The following ITPR1 variants were observed in gnomAD, a reference collection of about 807,000 sequenced individuals.
The protein encoded by ITPR1 is inositol 1,4,5-trisphosphate-gated calcium channel ITPR1.
In ITPR1, 96 loss-of-function variants were observed where a neutral mutation model predicts 318.4. The observed-to-expected ratio is 0.30, with a 90% confidence interval of 0.26 to 0.36. The LOEUF (loss-of-function observed/expected upper bound fraction) is 0.36. Among genes scored for constraint, ITPR1 ranks in the 10% least tolerant of loss-of-function variants. ITPR1 has a pLI of 1.00. For synonymous variants in ITPR1, 1,312 were observed against 1,289.9 expected (o/e 1.02, Z -0.37); for missense variants, 2,440 against 3,460.2 (o/e 0.71, Z 7.40).
chr3:4,669,736 C>T lies in ITPR1; in HGVS notation c.1969C>T (p.Leu657=), dbSNP rs2094031441. The T allele has an allele frequency of 6.2e-7, 1 of 1,613,012 alleles. No homozygotes were observed. The highest frequency in any genetic ancestry group is 1.1e-5 in the South Asian group (1 of 91,006). ...CCAGGAACTGATATGTAAAGCTGTGCTGAACCCCACCAACGCTGACATCCT... is the reference window on the plus strand; with the variant it reads ...CCAGGAACTGATATGTAAAGCTGTGTTGAACCCCACCAACGCTGACATCCT... ...VTQELICKAV[L]NPTNADILIE... The change falls in exon 19 of 62, where the codon CTG becomes TTG. Residue 657 remains leucine, a synonymous_variant. Coordinates refer to ENST00000649015, the MANE Select transcript of ITPR1 (RefSeq NM_001378452.1).
intron 32 of ITPR1, 105 bp downstream of exon 32, chr3:4,691,449 A>G: frequency 2.8e-6 from 2 of 722,868 alleles, no homozygotes; most frequent in Non-Finnish European, 4.7e-6. Context: ...GGAGCCATAC[A>G]GAAGGACAGA....
chr3:4,496,107 A>G (rs902370446), intron 2 of ITPR1, among the ~76,000 whole-genome samples: 1 of 152,188 alleles, frequency 6.6e-6, no homozygotes, highest in Non-Finnish European at 1.5e-5. Context: ...CATTAGGCTC[A>G]CCTCCTAGCT....
At chr3:4,743,296 C>G (rs2043838366) in intron 44 of ITPR1, among the ~76,000 whole-genome samples, 1 of 152,188 alleles carries the variant, frequency 6.6e-6, no homozygotes, top group South Asian at 2.1e-4. Flanking sequence ...TGGTCTAAAT[C>G]CAGGTCTTAA....
intron 10 of ITPR1, among the ~76,000 whole-genome samples, chr3:4,646,939 T>C (rs2093471440): frequency 6.6e-6 from 1 of 152,102 alleles, no homozygotes; most frequent in Non-Finnish European, 1.5e-5. Context: ...CTATGTATAG[T>C]ATAGTAAAGT....
At chr3:4,503,697 C>T (rs891133747) in intron 2 of ITPR1, among the ~76,000 whole-genome samples, 2 of 152,142 alleles carry the variant, frequency 1.3e-5, no homozygotes, top group Non-Finnish European at 2.9e-5. Flanking sequence ...CCACCACACA[C>T]ACACGCAACG....
chr3:4,716,770 G>A (rs968470954), intron 39 of ITPR1, among the ~76,000 whole-genome samples: 1 of 152,132 alleles, frequency 6.6e-6, no homozygotes, highest in African/African-American at 2.4e-5. Context: ...TCTTGGACAC[G>A]ATGCTGATAA....
intron 60 of ITPR1, among the ~76,000 whole-genome samples, chr3:4,836,136 T>C (rs1474483927): frequency 6.6e-6 from 1 of 152,172 alleles, no homozygotes; most frequent in African/African-American, 2.4e-5. Context: ...TCACTTCAAG[T>C]GTTTGCAAAA....
intron 42 of ITPR1, among the ~76,000 whole-genome samples, chr3:4,727,876 C>T (rs2042634014): frequency 1.3e-5 from 2 of 152,164 alleles, no homozygotes; most frequent in Admixed American, 1.3e-4. Context: ...ATGCCCAGCC[C>T]CACTAATGTT....
chr3:4,761,821 C>A (rs1191315672), intron 44 of ITPR1, among the ~76,000 whole-genome samples: 1 of 152,176 alleles, frequency 6.6e-6, no homozygotes, highest in Non-Finnish European at 1.5e-5. Context: ...GGGAGACAGT[C>A]CTGAGGAGAA....
At chr3:4,592,162 G>A (rs1477402795) in intron 4 of ITPR1, among the ~76,000 whole-genome samples, 2 of 152,182 alleles carry the variant, frequency 1.3e-5, no homozygotes, top group Non-Finnish European at 2.9e-5. Flanking sequence ...TGTTTGAGAA[G>A]TATCACTAAT....
chr3:4,813,998 G>A lies in ITPR1; in HGVS notation c.7562-425G>A, dbSNP rs371701057. Among the ~76,000 whole-genome samples the A allele has an allele frequency of 2.0e-5, 3 of 152,218 alleles. No individual in the cohort carries two copies. In the East Asian group the frequency reaches 5.8e-4, roughly 29 times the overall value. On this transcript the variant is annotated intron_variant, in intron 57 of 61. Coordinates refer to ENST00000649015, the MANE Select transcript of ITPR1 (RefSeq NM_001378452.1). ...GCAGTTGATCCAGAGGCCCTGCCGTGAAATATCCCTGGATATAGTCCTCAC... is the reference window on the plus strand; with the variant it reads ...GCAGTTGATCCAGAGGCCCTGCCGTAAAATATCCCTGGATATAGTCCTCAC...
rs114506187 is a variant in ITPR1, at chr3:4,507,284, A to G, written c.-16-9192A>G. 3.7e-3 allele frequency among the ~76,000 whole-genome samples: 563 copies of G among 152,086 alleles called. 4 individuals are homozygous for G. Among genetic ancestry groups the G allele is most frequent in the African/African-American group, 0.012 (482 of 41,382 alleles). Reference sequence around the variant, plus strand: ...AAAATGAAAATAATGCCCCAATGTTATTGTGAAATAGTTTTGACCTTGAAG... The same window carrying G: ...AAAATGAAAATAATGCCCCAATGTTGTTGTGAAATAGTTTTGACCTTGAAG... On this transcript the variant is annotated intron_variant, in intron 2 of 61. Coordinates refer to ENST00000649015, the MANE Select transcript of ITPR1 (RefSeq NM_001378452.1).
chr3:4,697,013 A>G, intron 33 of ITPR1, 134 bp from the exon 34 acceptor site: 2 of 661,870 alleles, frequency 3.0e-6, no homozygotes, highest in Non-Finnish European at 2.5e-6. Context: ...AATATCAGAA[A>G]ATCATAGAAG....
At position 4,806,267 on chromosome 3, in the gene ITPR1, G is replaced by C; in HGVS notation, c.7272G>C (p.Leu2424=). 6.2e-7 allele frequency: 1 copy of C among 1,613,600 alleles called. No individual in the cohort carries two copies. Among genetic ancestry groups the C allele is most frequent in the Non-Finnish European group, 8.5e-7 (1 of 1,179,508 alleles). The change falls in exon 55 of 62, where the codon CTG becomes CTC. Residue 2424 remains leucine, a splice_region_variant and synonymous_variant. Transcript: ENST00000649015. Reference sequence around the variant, plus strand: ...TCCATGAATTCTTCTACAGTCTGCTGGTGAGTACCTGGTGTGGAAATATTT... The same window carrying C: ...TCCATGAATTCTTCTACAGTCTGCTCGTGAGTACCTGGTGTGGAAATATTT... ...LFVHEFFYSL[L]LFDLVYREET...
intron 31 of ITPR1, among the ~76,000 whole-genome samples, chr3:4,690,469 G>A (rs777611078): frequency 3.4e-4 from 52 of 152,120 alleles, no homozygotes; most frequent in Middle Eastern, 3.2e-3. Context: ...ACTAAGTGTT[G>A]ACAAGGATAG....
intron 4 of ITPR1, among the ~76,000 whole-genome samples, chr3:4,568,682 G>C (rs533439395): frequency 4.1e-4 from 63 of 152,292 alleles, no homozygotes; most frequent in African/African-American, 1.4e-3. Flanking sequence ...TCCATAGTTT[G>C]AGTAAGGAAT....
chr3:4,697,332 G>GTGTT, intron 34 of ITPR1, 60 bp downstream of exon 34: 1 of 1,376,144 alleles, frequency 7.3e-7, no homozygotes, highest in South Asian at 1.4e-5. Flanking sequence ...GTGTGTGTGT[G>GTGTT]TGTGTGTGTG....
chr3:4,628,550 A>G (rs2092914293), intron 5 of ITPR1, among the ~76,000 whole-genome samples: 1 of 152,202 alleles, frequency 6.6e-6, no homozygotes, highest in Non-Finnish European at 1.5e-5. Context: ...AGATGTTTAA[A>G]AGGAGACATG....
intron 38 of ITPR1, chr3:4,711,517 T>TTA (rs1553706186): frequency 1.3e-5 from 5 of 383,452 alleles, no homozygotes; most frequent in Non-Finnish European, 2.3e-5. Context: ...CTCTCCATTG[T>TTA]ATGTGGCTGA....
Sources: allele counts gnomAD v4.1 joint callset (sites outside exome capture counted in the v4.1 genomes callset), GRCh38; gene constraint gnomAD v4.1.1; transcripts MANE v1.5; gene names NCBI Gene and HGNC (gene_info 2026-07-23, HGNC 2026-07-21).